The following LCOR variants were observed in gnomAD, a reference collection of about 807,000 sequenced individuals.
The protein encoded by LCOR is ligand-dependent corepressor.
In LCOR, 14 loss-of-function variants were observed where a neutral mutation model predicts 64.4. The ratio of observed to expected loss-of-function variants is 0.22; its 90% CI spans 0.14 to 0.34. The LOEUF (loss-of-function observed/expected upper bound fraction) is 0.34. Ranked by LOEUF, LCOR falls within the 10% of genes least tolerant of loss-of-function variation. The pLI is 1.00. For missense variants in LCOR, 1,686 were observed against 1,765.3 expected (o/e 0.96, Z 0.80); for synonymous variants, 643 against 642.5 (o/e 1.00, Z -0.01).
intron 4 of LCOR, among the ~76,000 whole-genome samples, chr10:96,921,221 TTGA>T (rs1231356288): frequency 6.6e-6 from 1 of 152,188 alleles, no homozygotes; most frequent in African/African-American, 2.4e-5. Flanking sequence ...GTTGTGTCCT[TTGA>T]TGCACAAAAT....
chr10:96,934,723 T>A (rs1033798937), intron 4 of LCOR, among the ~76,000 whole-genome samples: 9 of 152,024 alleles, frequency 5.9e-5, no homozygotes, highest in African/African-American at 2.2e-4. Flanking sequence ...TGCCTCAGCC[T>A]CCTGAGTAGC....
chr10:96,873,569 CACGTGT>C lies in LCOR; in HGVS notation c.-329-33695_-329-33690del, dbSNP rs779646480. 7.1e-3 allele frequency among the ~76,000 whole-genome samples: 595 copies of C among 83,380 alleles called. 4 individuals are homozygous for C. Among genetic ancestry groups the C allele is most frequent in the African/African-American group, 0.025 (540 of 21,238 alleles). 54.7% of individuals were successfully genotyped at this position (83,380 alleles called of 152,430 possible). ...TTTTGTTTTTCGATACACACACACA[CACGTGT>C]GTGTGTGTGTGTGTGTGTGTGTGTG... On this transcript the variant is annotated intron_variant, in intron 2 of 7. Transcript: ENST00000421806.
At chr10:96,970,941 A>T (rs1316833597) in intron 7 of LCOR, among the ~76,000 whole-genome samples, 1 of 152,138 alleles carries the variant, frequency 6.6e-6, no homozygotes, top group Non-Finnish European at 1.5e-5. Context: ...TTAAAAAAGA[A>T]ACAGAATCAG....
chr10:96,958,573 AC>A (rs1847820941), intron 7 of LCOR: 7 of 636,608 alleles, frequency 1.1e-5, no homozygotes, highest in Non-Finnish European at 2.0e-5. Context: ...AATTTAAAAA[AC>A]AAACCAAACT....
intron 4 of LCOR, among the ~76,000 whole-genome samples, chr10:96,922,096 C>G (rs1847091088): frequency 6.6e-6 from 1 of 152,088 alleles, no homozygotes; most frequent in African/African-American, 2.4e-5. Context: ...CCAGAAATGC[C>G]ATTGGGATTT....
At chr10:96,841,343 A>G (rs958223937) in intron 2 of LCOR, among the ~76,000 whole-genome samples, 1 of 150,926 alleles carries the variant, frequency 6.6e-6, no homozygotes, top group African/African-American at 2.5e-5. Flanking sequence ...CACATTTAAT[A>G]CTTTCTAGAA....
intron 1 of LCOR, chr10:96,833,054 G>A: frequency 1.0e-6 from 1 of 986,418 alleles, no homozygotes; most frequent in South Asian, 4.7e-5. Flanking sequence ...GGCCGCGGGG[G>A]GCAGCGGCTG....
chr10:96,882,306 A>G (rs1846276789), intron 2 of LCOR, among the ~76,000 whole-genome samples: 2 of 152,212 alleles, frequency 1.3e-5, no homozygotes, highest in Non-Finnish European at 1.5e-5. Context: ...GTATGTCACG[A>G]AAATCCAGCC....
rs1846412253 is a variant in LCOR, at chr10:96,890,054, T to G, written c.-329-17211T>G. Among the ~76,000 whole-genome samples, 3 of 152,170 alleles carry G rather than the reference T, an allele frequency of 2.0e-5. No homozygotes were observed. The South Asian group carries it at 6.2e-4, about 32-fold the overall frequency. ...TGTGTGAGGGCTCCCATTTCTTCAC[T>G]TCCTTTACCAGCACTCGTTATTTTC... On this transcript the variant is annotated intron_variant, in intron 2 of 7. Coordinates refer to ENST00000421806, the MANE Select transcript of LCOR (RefSeq NM_001346516.2).
At chr10:96,955,543 G>T in intron 7 of LCOR, 1 of 1,614,146 alleles carries the variant, frequency 6.2e-7, no homozygotes, top group East Asian at 2.2e-5. Flanking sequence ...TTAGATGCTG[G>T]ACCCGATTCT....
intron 2 of LCOR, among the ~76,000 whole-genome samples, chr10:96,842,632 CTTTTTTT>C (rs976571447): frequency 8.2e-5 from 11 of 134,382 alleles, no homozygotes; most frequent in Admixed American, 3.0e-4. Context: ...CTTTTCTTTT[CTTTTTTT>C]TTTTTTTTTG....
intron 7 of LCOR, chr10:96,955,857 G>A: frequency 6.2e-7 from 1 of 1,614,182 alleles, no homozygotes; most frequent in East Asian, 2.2e-5. Context: ...AGATGTTTCT[G>A]TAAAGATTGA....
chr10:96,947,546 A>G (rs756707791), intron 5 of LCOR, among the ~76,000 whole-genome samples: 39 of 152,148 alleles, frequency 2.6e-4, no homozygotes, highest in Non-Finnish European at 8.8e-5. Flanking sequence ...TTTGCCTTCT[A>G]TAGCTAATCT....
Position 96,989,695 on chromosome 10 carries a change from A to ATAT in LCOR, c.*4562_*4563insATT, listed in dbSNP as rs1371771053. 83 of 86,162 alleles carry ATAT rather than the reference A, an allele frequency of 9.6e-4. No homozygotes were observed. Among genetic ancestry groups the ATAT allele is most frequent in the Non-Finnish European group, 1.4e-3 (72 of 50,720 alleles). 5.3% of individuals were successfully genotyped at this position (86,162 alleles called of 1,614,324 possible). Reference sequence around the variant, plus strand: ...TAAGGATATATATATATATATATATATTTTTTTTTTTTTTTTTTTTTTTTA... The same window carrying ATAT: ...TAAGGATATATATATATATATATATATATTTTTTTTTTTTTTTTTTTTTTTTTA... On this transcript the variant is annotated 3_prime_UTR_variant, in exon 8 of 8. Coordinates refer to ENST00000421806, the MANE Select transcript of LCOR (RefSeq NM_001346516.2).
intron 7 of LCOR, among the ~76,000 whole-genome samples, chr10:96,966,649 T>C (rs1847954073): frequency 6.6e-6 from 1 of 152,242 alleles, no homozygotes; most frequent in African/African-American, 2.4e-5. Flanking sequence ...ATATAGTAGA[T>C]AAGAGTTCTT....
At chr10:96,877,703 C>G (rs997742226) in intron 2 of LCOR, among the ~76,000 whole-genome samples, 3 of 148,848 alleles carry the variant, frequency 2.0e-5, no homozygotes, top group African/African-American at 7.6e-5. Flanking sequence ...GCTCAGCCTC[C>G]CGGGTTCACG....
chr10:96,918,270 GT>G (rs1215242585), intron 4 of LCOR, among the ~76,000 whole-genome samples: 28 of 152,286 alleles, frequency 1.8e-4, no homozygotes, highest in Admixed American at 3.3e-4. Context: ...GGGTTGTCAT[GT>G]TTGTCAAACT....
At chr10:96,886,619 G>C (rs893018469) in intron 2 of LCOR, among the ~76,000 whole-genome samples, 1 of 152,090 alleles carries the variant, frequency 6.6e-6, no homozygotes, top group African/African-American at 2.4e-5. Flanking sequence ...GATTGCTTAG[G>C]GTCCTTGTAT....
intron 2 of LCOR, among the ~76,000 whole-genome samples, chr10:96,842,310 G>A (rs1443891977): frequency 6.6e-6 from 1 of 152,084 alleles, no homozygotes. Flanking sequence ...CAGGAGAATC[G>A]CTTGAACCCG....
Sources: gnomAD v4.1 joint callset for allele counts (sites outside exome capture counted in the v4.1 genomes callset) on GRCh38, gnomAD v4.1.1 for gene constraint, MANE v1.5 for transcripts, NCBI Gene and HGNC (gene_info 2026-07-23, HGNC 2026-07-21) for gene names.